RXFP1: variants seen among roughly 807,000 people sequenced by gnomAD.
The protein encoded by RXFP1 is relaxin receptor 1.
In RXFP1, 73 loss-of-function variants were observed where a neutral mutation model predicts 89.8. That is an observed-to-expected ratio of 0.81 (90% CI 0.67 to 0.99). The LOEUF is 0.99. Ranked by LOEUF, RXFP1 falls within the 50% of genes least tolerant of loss-of-function variation. The pLI, the probability that RXFP1 is intolerant of heterozygous loss-of-function variation, is 0.00. For synonymous variants in RXFP1, 277 were observed against 305.5 expected (o/e 0.91, Z 0.97); for missense variants, 793 against 895.5 (o/e 0.89, Z 1.46).
At chr4:158,543,542 T>TCTC (rs1747377816) in intron 1 of RXFP1, among the ~76,000 whole-genome samples, 1 of 152,118 alleles carries the variant, frequency 6.6e-6, no homozygotes, top group African/African-American at 2.4e-5. Flanking sequence ...GAACACAGTG[T>TCTC]CTCCACAAAC....
chr4:158,527,564 A>AAAAAAAATATATATATATATATAT (rs5741905), intron 1 of RXFP1, among the ~76,000 whole-genome samples: 6 of 98,338 alleles, frequency 6.1e-5, no homozygotes, highest in Admixed American at 5.5e-4. Context: ...AAAAAAAAAA[A>AAAAAAAATATATATATATATATAT]ATATATATAT....
chr4:158,530,196 G>A (rs1236645179), intron 1 of RXFP1, among the ~76,000 whole-genome samples: 1 of 152,226 alleles, frequency 6.6e-6, no homozygotes, highest in Non-Finnish European at 1.5e-5. Flanking sequence ...TTATATGCGT[G>A]TGTGCCTGGA....
intron 6 of RXFP1, among the ~76,000 whole-genome samples, chr4:158,609,533 T>A (rs573398487): frequency 6.6e-6 from 1 of 152,342 alleles, no homozygotes; most frequent in African/African-American, 2.4e-5. Flanking sequence ...TCCATTTATG[T>A]CCCCTTGTTT....
intron 4 of RXFP1, among the ~76,000 whole-genome samples, chr4:158,604,511 T>A (rs1189453653): frequency 6.6e-6 from 1 of 152,196 alleles, no homozygotes; most frequent in Non-Finnish European, 1.5e-5. Context: ...CTGGTCTGTG[T>A]CAAACTGCTT....
chr4:158,594,863 A>C (rs527572752), intron 3 of RXFP1, among the ~76,000 whole-genome samples: 8 of 152,198 alleles, frequency 5.3e-5, no homozygotes, highest in Non-Finnish European at 1.0e-4. Context: ...ATTCTGAAGC[A>C]TGCCAGATTA....
intron 11 of RXFP1, among the ~76,000 whole-genome samples, chr4:158,629,534 T>TCA (rs1767611998): frequency 6.6e-6 from 1 of 152,172 alleles, no homozygotes; most frequent in Non-Finnish European, 1.5e-5. Flanking sequence ...GTAGTTGATT[T>TCA]TCAGAATAAA....
intron 11 of RXFP1, among the ~76,000 whole-genome samples, chr4:158,632,958 T>C (rs1470599645): frequency 6.6e-6 from 1 of 152,006 alleles, no homozygotes. Context: ...GATCACAAGG[T>C]CAGGAGTTCG....
chr4:158,648,799 A>G, intron 17 of RXFP1, 82 bp downstream of exon 17: 1 of 835,102 alleles, frequency 1.2e-6, no homozygotes, highest in Non-Finnish European at 1.8e-6. Flanking sequence ...TAAAATTCTT[A>G]ACACTAAACA....
rs775760056 is a variant in RXFP1 at position 158,646,952 on chromosome 4, T to C, written c.1507T>C (p.Leu503=). The part of the protein sequence containing the change: ...ILSTEVSVLL[L]TFLTLEKYIC... ...GTCCACAGAAGTATCAGTTTTACTG[T>C]TAACATTTCTGACATTGGAAAAATA... is the stretch of plus-strand genomic sequence containing the variant. The change falls in exon 16 of 18, where the codon TTA becomes CTA. Residue 503 remains leucine, a synonymous_variant. Coordinates refer to ENST00000307765, the MANE Select transcript of RXFP1 (RefSeq NM_021634.4). The C allele has an allele frequency of 6.2e-7, 1 of 1,614,184 alleles. No individual in the cohort carries two copies. Among genetic ancestry groups the C allele is most frequent in the Admixed American group, 1.7e-5 (1 of 60,030 alleles).
At chr4:158,606,353 T>A (rs1762533226) in intron 5 of RXFP1, among the ~76,000 whole-genome samples, 1 of 152,230 alleles carries the variant, frequency 6.6e-6, no homozygotes, top group African/African-American at 2.4e-5. Context: ...GTGGATGAAT[T>A]AATTCCTGAA....
intron 2 of RXFP1, among the ~76,000 whole-genome samples, chr4:158,584,281 A>C (rs896128545): frequency 4.6e-5 from 7 of 152,054 alleles, no homozygotes; most frequent in Non-Finnish European, 2.9e-5. Flanking sequence ...AAAGATACAA[A>C]AAATTAGCTA....
At chr4:158,542,678 G>A (rs58650577) in intron 1 of RXFP1, among the ~76,000 whole-genome samples, 3,563 of 152,156 alleles carry the variant, frequency 0.023, 121 homozygotes, top group African/African-American at 0.077. Flanking sequence ...AAGTCATTTC[G>A]AAAGCCATAA....
chr4:158,566,733 T>C (rs996798193), intron 1 of RXFP1, among the ~76,000 whole-genome samples: 1 of 152,282 alleles, frequency 6.6e-6, no homozygotes, highest in African/African-American at 2.4e-5. Flanking sequence ...ATCATAATGT[T>C]ATGAAAATGT....
chr4:158,568,272 A>C (rs1754185152), intron 1 of RXFP1, among the ~76,000 whole-genome samples: 1 of 152,212 alleles, frequency 6.6e-6, no homozygotes, highest in South Asian at 2.1e-4. Flanking sequence ...CCAAGAACCC[A>C]CCAATTCCGG....
chr4:158,609,123 C>CCACTTT (rs1000970518), intron 6 of RXFP1, among the ~76,000 whole-genome samples: 33 of 152,254 alleles, frequency 2.2e-4, no homozygotes, highest in African/African-American at 7.5e-4. Context: ...GTTTGGGTCC[C>CCACTTT]CACTTTCACT....
chr4:158,578,399 A>G (rs1306935848), intron 2 of RXFP1, among the ~76,000 whole-genome samples: 5 of 152,342 alleles, frequency 3.3e-5, no homozygotes, highest in East Asian at 3.9e-4. Context: ...AGCTAGAACT[A>G]TGATACCTGA....
intron 1 of RXFP1, among the ~76,000 whole-genome samples, chr4:158,525,209 T>C (rs78865874): frequency 0.01 from 1,321 of 130,046 alleles, 15 homozygotes; most frequent in African/African-American, 0.031. Flanking sequence ...TGTCCCACCT[T>C]ATACTTTGGC....
intron 17 of RXFP1, among the ~76,000 whole-genome samples, chr4:158,651,197 T>C (rs1227274813): frequency 6.6e-6 from 1 of 152,158 alleles, no homozygotes; most frequent in East Asian, 1.9e-4. Context: ...TATTTTGGTA[T>C]TTCTATATAT....
At chr4:158,599,890 C>T (rs1000548120) in intron 4 of RXFP1, among the ~76,000 whole-genome samples, 3 of 152,100 alleles carry the variant, frequency 2.0e-5, no homozygotes, top group Admixed American at 2.0e-4. Context: ...CCTCCCAAAA[C>T]GTCATATTTA....
Sources: allele counts gnomAD v4.1 joint callset (sites outside exome capture counted in the v4.1 genomes callset), GRCh38; gene constraint gnomAD v4.1.1; transcripts MANE v1.5; gene names NCBI Gene and HGNC (gene_info 2026-07-23, HGNC 2026-07-21).